GLT1D1: variants seen among roughly 807,000 people sequenced by gnomAD.
GLT1D1 encodes glycosyltransferase 1 domain containing 1.
GLT1D1 carries 21 observed loss-of-function variants against 28.7 expected under a neutral mutation model. The observed-to-expected ratio is 0.73, with a 90% confidence interval of 0.52 to 1.05. GLT1D1 has a LOEUF of 1.05. Among genes scored for constraint, GLT1D1 ranks in the 50% least tolerant of loss-of-function variants. The pLI is 0.00. For synonymous variants in GLT1D1, 147 were observed against 124.8 expected (o/e 1.18, Z -1.19); for missense variants, 343 against 330.6 (o/e 1.04, Z -0.29).
At chr12:128,899,700 C>T (rs538477837) in intron 4 of GLT1D1, among the ~76,000 whole-genome samples, 2 of 152,096 alleles carry the variant, frequency 1.3e-5, no homozygotes, top group East Asian at 3.9e-4. Context: ...CAGGTGCACA[C>T]CACCATACCC....
intron 4 of GLT1D1, among the ~76,000 whole-genome samples, chr12:128,927,999 C>CAAAAAAAAAAAAAAACAAAAAAA (rs1873427270): frequency 2.4e-5 from 1 of 42,262 alleles, no homozygotes; most frequent in Non-Finnish European, 3.7e-5. Flanking sequence ...GACTCTGTCT[C>CAAAAAAAAAAAAAAACAAAAAAA]AAAAAAAAAA....
chr12:128,911,032 C>G (rs558621348), intron 4 of GLT1D1, among the ~76,000 whole-genome samples: 1 of 152,164 alleles, frequency 6.6e-6, no homozygotes, highest in Non-Finnish European at 1.5e-5. Context: ...CGGGTTCAAG[C>G]GATTGTCCTG....
intron 7 of GLT1D1, among the ~76,000 whole-genome samples, chr12:128,970,800 G>A (rs1878963501): frequency 6.6e-6 from 1 of 152,208 alleles, no homozygotes; most frequent in East Asian, 1.9e-4. Flanking sequence ...CCGCACCTGT[G>A]TCTGTGTACA....
intron 7 of GLT1D1, among the ~76,000 whole-genome samples, chr12:128,959,929 A>T (rs112565884): frequency 0.1 from 15,848 of 152,268 alleles, 1,092 homozygotes; most frequent in Non-Finnish European, 0.15. Flanking sequence ...GAACGTCTGA[A>T]TAGCAATTCC....
intron 4 of GLT1D1, among the ~76,000 whole-genome samples, chr12:128,920,459 C>T (rs1013388897): frequency 1.7e-4 from 26 of 152,044 alleles, no homozygotes; most frequent in African/African-American, 5.8e-4. Flanking sequence ...GAGGCTGAGA[C>T]AGGAGAATTG....
chr12:128,872,557 C>T (rs1956724542), intron 1 of GLT1D1, among the ~76,000 whole-genome samples: 1 of 152,106 alleles, frequency 6.6e-6, no homozygotes, highest in Admixed American at 6.6e-5. Flanking sequence ...TTCTGCCATG[C>T]AGGGTGAGCT....
intron 1 of GLT1D1, among the ~76,000 whole-genome samples, chr12:128,874,120 CTCTCTCTTT>C (rs1956802969): frequency 1.9e-5 from 1 of 52,782 alleles, no homozygotes; most frequent in African/African-American, 8.8e-5. Flanking sequence ...CTCTCTCTCT[CTCTCTCTTT>C]CTTTCTTTCT....
intron 4 of GLT1D1, among the ~76,000 whole-genome samples, chr12:128,920,554 C>CA (rs369305054): frequency 8.6e-5 from 13 of 151,000 alleles, no homozygotes; most frequent in African/African-American, 2.4e-4. Flanking sequence ...AACTTTGTCT[C>CA]AAAAAAAAGA....
chr12:128,921,454 G>GT (rs1872646993), intron 4 of GLT1D1, among the ~76,000 whole-genome samples: 1 of 151,814 alleles, frequency 6.6e-6, no homozygotes, highest in Admixed American at 6.6e-5. Context: ...TGGCTTGCAT[G>GT]TAGTCAGCCT....
chr12:128,931,923 A>ACGCACG lies in GLT1D1; in HGVS notation c.376-13402_376-13401insGCACGC, dbSNP rs375272650. ...TATGTGCACACACACGCACGCACACACACACACACACACACACAACGTTGG... is the reference window on the plus strand; with the variant it reads ...TATGTGCACACACACGCACGCACACACGCACGCACACACACACACACACAACGTTGG... On this transcript the variant is annotated intron_variant, in intron 4 of 7. Coordinates refer to ENST00000281703, the MANE Select transcript of GLT1D1 (RefSeq NM_144669.3). Among the ~76,000 whole-genome samples, 704 of 140,264 alleles carry ACGCACG rather than the reference A, an allele frequency of 5.0e-3. 3 individuals are homozygous for ACGCACG. Among genetic ancestry groups the ACGCACG allele is most frequent in the African/African-American group, 0.016 (643 of 39,986 alleles). 92.0% of individuals were successfully genotyped at this position (140,264 alleles called of 152,430 possible).
At chr12:128,876,087 A>G (rs1210631124) in intron 2 of GLT1D1, 25 bp downstream of exon 2, 1 of 1,578,884 alleles carries the variant, frequency 6.3e-7, no homozygotes, top group Non-Finnish European at 8.6e-7. Flanking sequence ...CTTCAAAAGT[A>G]AAACACTAGA....
At chr12:128,879,376 CTT>C (rs370790410) in intron 2 of GLT1D1, among the ~76,000 whole-genome samples, 1,028 of 83,728 alleles carry the variant, frequency 0.012, 32 homozygotes, top group African/African-American at 0.035. Context: ...TTATTTTTTT[CTT>C]TTTCTTTCTT....
rs534273892 is a variant in GLT1D1 at position 128,868,180 on chromosome 12, C to T, written c.69-7734C>T. ...CGTCTCCTGCATCTGCTTCCCTCTC[C>T]TGGCAGAATCTTCTCGCCAGCCCCT... is the stretch of plus-strand genomic sequence containing the variant. On this transcript the variant is annotated intron_variant, in intron 1 of 7. Coordinates refer to ENST00000281703, the MANE Select transcript of GLT1D1 (RefSeq NM_144669.3). 3.3e-5 allele frequency among the ~76,000 whole-genome samples: 5 copies of T among 152,360 alleles called. No individual in the cohort carries two copies. In the East Asian group the frequency reaches 9.7e-4, roughly 29 times the overall value.
chr12:128,912,357 T>A, intron 4 of GLT1D1, 67 bp from the exon 5 acceptor site: 1 of 1,016,898 alleles, frequency 9.8e-7, no homozygotes, highest in South Asian at 1.5e-5. Context: ...TTCATTTTAT[T>A]TCTAAAAAGC....
intron 7 of GLT1D1, among the ~76,000 whole-genome samples, chr12:128,975,974 C>T (rs996213701): frequency 6.6e-6 from 1 of 152,166 alleles, no homozygotes; most frequent in Non-Finnish European, 1.5e-5. Flanking sequence ...AATCAACGTA[C>T]GCTGGCAGTC....
At chr12:128,958,373 T>A (rs1389518867) in intron 7 of GLT1D1, among the ~76,000 whole-genome samples, 2 of 152,062 alleles carry the variant, frequency 1.3e-5, no homozygotes, top group Non-Finnish European at 2.9e-5. Context: ...CTGAATGAGT[T>A]GATGGCAGAG....
At chr12:128,913,525 T>C (rs1871768111) in intron 4 of GLT1D1, among the ~76,000 whole-genome samples, 1 of 152,224 alleles carries the variant, frequency 6.6e-6, no homozygotes. Flanking sequence ...CCGGCCTCTC[T>C]AAACACAGTT....
intron 7 of GLT1D1, among the ~76,000 whole-genome samples, chr12:128,981,453 ATGT>A (rs1880309686): frequency 6.6e-6 from 1 of 152,060 alleles, no homozygotes; most frequent in Admixed American, 6.6e-5. Context: ...TTTAATAAGA[ATGT>A]TGTTCTACCC....
Position 128,869,206 on chromosome 12 carries a change from G to A in GLT1D1, c.69-6708G>A, listed in dbSNP as rs75221248. Among the ~76,000 whole-genome samples, 135 of 152,190 alleles carry A rather than the reference G, an allele frequency of 8.9e-4. 1 individual carries two copies. The highest frequency in any genetic ancestry group is 2.7e-3 in the African/African-American group (111 of 41,532). On this transcript the variant is annotated intron_variant, in intron 1 of 7. Transcript: ENST00000281703. ...TTCTTTGACAGGGTCTCACTCGGTC[G>A]TCCAGGCTGGAGTGCAGTGGCACCG...
Sources: gnomAD v4.1 joint callset for allele counts (sites outside exome capture counted in the v4.1 genomes callset) on GRCh38, gnomAD v4.1.1 for gene constraint, MANE v1.5 for transcripts, NCBI Gene and HGNC (gene_info 2026-07-23, HGNC 2026-07-21) for gene names.